Variants in ASMTL observed in about 807,000 individuals in gnomAD.
ASMTL encodes probable bifunctional dTTP/UTP pyrophosphatase/methyltransferase protein.
ASMTL carries 57 observed loss-of-function variants against 60.3 expected under a neutral mutation model. The observed-to-expected ratio is 0.95, with a 90% CI of 0.76 to 1.18. The LOEUF (loss-of-function observed/expected upper bound fraction) is 1.18, where lower values mean the gene tolerates loss of function less well. Among genes scored for constraint, ASMTL ranks in the 50% most tolerant of loss-of-function variants. The pLI is 0.00. For missense variants in ASMTL, 981 were observed against 852.6 expected, an observed-to-expected ratio of 1.15 and a Z score of -1.88; for synonymous variants, 419 against 373.0, an observed-to-expected ratio of 1.12 and a Z score of -1.42.
At chrX:1,414,346 T>C (rs1298356400) in intron 11 of ASMTL, among the ~76,000 whole-genome samples, 2 of 151,148 alleles carry the variant, frequency 1.3e-5, no homozygotes. Context: ...GGCGGGAGAG[T>C]GTGCGGTGGG....
At chrX:1,433,542 C>G (rs1342697122) in intron 5 of ASMTL, among the ~76,000 whole-genome samples, 1 of 146,482 alleles carries the variant, frequency 6.8e-6, no homozygotes, top group African/African-American at 2.5e-5. Flanking sequence ...ATTAGCCGGG[C>G]GTGGTGGCGG....
chrX:1,405,587 G>A (rs1414139104), intron 12 of ASMTL, among the ~76,000 whole-genome samples: 6 of 151,464 alleles, frequency 4.0e-5, no homozygotes, highest in African/African-American at 1.2e-4. Context: ...TGGATGGATG[G>A]GTGAATAGAT....
At chrX:1,414,168 A>G (rs1222837690) in intron 11 of ASMTL, 2 of 151,992 alleles carry the variant, frequency 1.3e-5, no homozygotes, top group African/African-American at 2.4e-5. Flanking sequence ...ATGCGGCTAC[A>G]AGCCCAGGGA....
In ASMTL at chrX:1,403,316, A is replaced by G; in HGVS notation, c.1819T>C (p.Leu607=). 6.2e-7 allele frequency: 1 copy of G among 1,613,222 alleles called. No homozygotes were observed. Among genetic ancestry groups the G allele is most frequent in the East Asian group, 2.2e-5 (1 of 44,874 alleles). ...HGFHQVQVVH[L]GGVLDAILAT... is the part of the protein sequence containing the mutation. The stretch of plus-strand genomic sequence containing the variant: ...AAGATGGCATCCAGGACACCCCCCA[A>G]GTGCACCACCTGCACCTGGTGGAAG... Residue 607 remains leucine, a synonymous_variant, in exon 13 of 13, where the codon TTG becomes CTG. Coordinates refer to ENST00000381317, the MANE Select transcript of ASMTL (RefSeq NM_004192.4).
chrX:1,443,088 C>A (rs1272626629), intron 1 of ASMTL, among the ~76,000 whole-genome samples: 2 of 111,494 alleles, frequency 1.8e-5, no homozygotes, highest in Non-Finnish European at 4.0e-5. Context: ...ACACACACTG[C>A]CATCTGGGAC....
chrX:1,434,214 G>C (rs755124189), intron 5 of ASMTL, among the ~76,000 whole-genome samples: 1 of 152,320 alleles, frequency 6.6e-6, no homozygotes, highest in East Asian at 1.9e-4. Flanking sequence ...TGCAGTCCCA[G>C]CAATATGGTG....
chrX:1,415,551 C>G (rs1156865765), intron 11 of ASMTL, among the ~76,000 whole-genome samples: 1 of 151,852 alleles, frequency 6.6e-6, no homozygotes, highest in Non-Finnish European at 1.5e-5. Context: ...CTGCAACCTC[C>G]GCCTCCCAGG....
intron 5 of ASMTL, among the ~76,000 whole-genome samples, chrX:1,434,404 C>T (rs1445672296): frequency 1.3e-5 from 2 of 151,078 alleles, no homozygotes; most frequent in African/African-American, 4.9e-5. Context: ...GCGGGAGGAT[C>T]GCTGGAGCTC....
intron 1 of ASMTL, among the ~76,000 whole-genome samples, chrX:1,448,069 A>G (rs2091267496): frequency 7.1e-6 from 1 of 141,688 alleles, no homozygotes; most frequent in Admixed American, 7.0e-5. Context: ...TCTTGGACAC[A>G]CACCATCTTG....
At chrX:1,452,326 T>C (rs2091417522) in intron 1 of ASMTL, among the ~76,000 whole-genome samples, 1 of 140,612 alleles carries the variant, frequency 7.1e-6, no homozygotes, top group African/African-American at 2.7e-5. Context: ...ACCCTGGAGG[T>C]CCCGGGTTAC....
intron 6 of ASMTL, 57 bp downstream of exon 6, chrX:1,432,212 G>A: frequency 7.1e-7 from 1 of 1,405,168 alleles, no homozygotes. Context: ...CCCCACGTGT[G>A]AGGGTGGCCA....
At chrX:1,411,432 G>C (rs1192013876) in intron 12 of ASMTL, among the ~76,000 whole-genome samples, 5 of 152,308 alleles carry the variant, frequency 3.3e-5, no homozygotes, top group South Asian at 2.1e-4. Flanking sequence ...GGGCCAGCTG[G>C]TTCAACTGTG....
At chrX:1,438,297 A>G (rs1279281887) in intron 3 of ASMTL, among the ~76,000 whole-genome samples, 1 of 151,520 alleles carries the variant, frequency 6.6e-6, no homozygotes, top group Non-Finnish European at 1.5e-5. Flanking sequence ...AAAAAAAAGA[A>G]GAGGGAAATT....
chrX:1,439,128 G>A lies in ASMTL; in HGVS notation c.242C>T (p.Pro81Leu). 6.2e-7 allele frequency: 1 copy of A among 1,614,042 alleles called. No individual in the cohort carries two copies. The highest frequency in any genetic ancestry group is 8.5e-7 in the Non-Finnish European group (1 of 1,179,878). The change falls in exon 3 of 13, where the codon CCC becomes CTC. Residue 81 changes from proline to leucine, a missense_variant. Transcript: ENST00000381317. ...NRLYQKDLRA[P>L]DVVIGADTIV... ...CGTGTCCGCTCCAATGACCACGTCG[G>A]GGGCCCGCAGGTCTTTCTGTAAGAA...
intron 10 of ASMTL, 115 bp from the exon 11 acceptor site, chrX:1,418,231 C>G (rs1379966249): frequency 8.7e-6 from 11 of 1,269,938 alleles, no homozygotes; most frequent in Non-Finnish European, 1.1e-5. Context: ...GATTCCCATG[C>G]TGGAAGGGAA....
Position 1,412,788 on chromosome X carries a change from C to G in ASMTL, c.1589G>C (p.Trp530Ser), listed in dbSNP as rs781546636. The stretch of plus-strand genomic sequence containing the variant: ...TAACTTGTGGACTTTGTCGTCTGGC[C>G]AGTCATGCAGGATCCGGCACAGGAC... ...LYVLCRILHD[W>S]PDDKVHKLLS... Residue 530 changes from tryptophan to serine, a missense_variant, in exon 12 of 13, where the codon TGG becomes TCG. Trp to Ser is a radical substitution (Grantham distance 177). Coordinates refer to ENST00000381317, the MANE Select transcript of ASMTL (RefSeq NM_004192.4). 4.3e-5 allele frequency: 69 copies of G among 1,613,866 alleles called. No individual in the cohort carries two copies. The highest frequency in any genetic ancestry group is 5.4e-5 in the Non-Finnish European group (64 of 1,179,868).
intron 2 of ASMTL, among the ~76,000 whole-genome samples, chrX:1,441,280 A>T (rs2091100078): frequency 6.6e-6 from 1 of 151,952 alleles, no homozygotes; most frequent in African/African-American, 2.4e-5. Flanking sequence ...TTTTGTTTTA[A>T]TTTTTTATTT....
intron 1 of ASMTL, 140 bp downstream of exon 1, chrX:1,452,608 G>A: frequency 1.5e-6 from 1 of 671,670 alleles, no homozygotes; most frequent in Non-Finnish European, 2.4e-6. Flanking sequence ...TGGAGGTCCC[G>A]GGACACTCTC....
chrX:1,411,092 G>T (rs1404733956), intron 12 of ASMTL, among the ~76,000 whole-genome samples: 4 of 152,208 alleles, frequency 2.6e-5, no homozygotes, highest in African/African-American at 9.6e-5. Context: ...GCTGAGGCAG[G>T]AGAATCACTT....
Sources: allele counts gnomAD v4.1 joint callset (sites outside exome capture counted in the v4.1 genomes callset), GRCh38; gene constraint gnomAD v4.1.1; transcripts MANE v1.5; gene names NCBI Gene and HGNC (gene_info 2026-07-23, HGNC 2026-07-21).